The following CHD6 variants were observed in gnomAD, a reference collection of about 807,000 sequenced individuals.
CHD6 encodes the protein ATP-dependent chromatin remodeler CHD6.
Under a neutral mutation model 276.9 loss-of-function variants are expected in CHD6, and 50 were observed. The ratio of observed to expected loss-of-function variants is 0.18; its 90% CI spans 0.14 to 0.23. The LOEUF (loss-of-function observed/expected upper bound fraction) is 0.23. Among genes scored for constraint, CHD6 ranks in the 10% least tolerant of loss-of-function variants. The pLI is 1.00. For synonymous variants in CHD6, 1,173 were observed against 1,229.3 expected (o/e 0.95, Z 0.96); for missense variants, 2,564 against 3,365.8 (o/e 0.76, Z 5.89).
At chr20:41,580,839 A>T (rs931359150) in intron 1 of CHD6, among the ~76,000 whole-genome samples, 1 of 152,160 alleles carries the variant, frequency 6.6e-6, no homozygotes, top group Non-Finnish European at 1.5e-5. Context: ...AGTGAAAGCT[A>T]ATCTGGGAAA....
chr20:41,432,724 C>T (rs1235079926), intron 27 of CHD6, among the ~76,000 whole-genome samples: 1 of 151,942 alleles, frequency 6.6e-6, no homozygotes, highest in African/African-American at 2.4e-5. Flanking sequence ...CCAAGAAGAC[C>T]TCAAACTGAA....
At chr20:41,546,773 CAGTTT>C (rs921121126) in intron 2 of CHD6, among the ~76,000 whole-genome samples, 2 of 152,152 alleles carry the variant, frequency 1.3e-5, no homozygotes, top group Admixed American at 1.3e-4. Context: ...TTCTTAGAAG[CAGTTT>C]AGTTCTTTTT....
In CHD6 at chr20:41,593,046, G is replaced by T. The variant is rs186475820; in HGVS notation, c.-24+25294C>A. 5.3e-4 allele frequency among the ~76,000 whole-genome samples: 80 copies of T among 152,126 alleles called. No individual in the cohort carries two copies. The East Asian group carries it at 0.012, about 24-fold the overall frequency. On this transcript the variant is annotated intron_variant, in intron 1 of 36. Transcript: ENST00000373233. ...AAAAACCTATCCCTCCACCCTCTTT[G>T]TGGCAAAAACAACAGAAAAATCAAA...
chr20:41,585,716 A>T (rs1451431192), intron 1 of CHD6, among the ~76,000 whole-genome samples: 1 of 152,180 alleles, frequency 6.6e-6, no homozygotes, highest in Non-Finnish European at 1.5e-5. Flanking sequence ...GACACTTCCC[A>T]CCTCATTTCA....
At chr20:41,411,638 G>A (rs1365216009) in intron 36 of CHD6, among the ~76,000 whole-genome samples, 1 of 152,138 alleles carries the variant, frequency 6.6e-6, no homozygotes, top group East Asian at 1.9e-4. Context: ...CGTTATACTA[G>A]AAGTATTCTG....
chr20:41,611,890 G>A (rs1167580427), intron 1 of CHD6, among the ~76,000 whole-genome samples: 2 of 152,030 alleles, frequency 1.3e-5, no homozygotes, highest in African/African-American at 2.4e-5. Flanking sequence ...GACCTGCCTC[G>A]GCCTCCCAAA....
intron 1 of CHD6, among the ~76,000 whole-genome samples, chr20:41,598,517 G>T (rs1019143586): frequency 6.6e-6 from 1 of 152,124 alleles, no homozygotes; most frequent in Admixed American, 6.5e-5. Flanking sequence ...TTTCTACTTG[G>T]ATGGTCCTCC....
chr20:41,617,603 C>A (rs774940648), intron 1 of CHD6, among the ~76,000 whole-genome samples: 1 of 152,196 alleles, frequency 6.6e-6, no homozygotes. Context: ...AAATAAATAC[C>A]TTGAAGAGGA....
intron 5 of CHD6, among the ~76,000 whole-genome samples, chr20:41,510,857 C>T (rs1444523351): frequency 1.3e-5 from 2 of 152,206 alleles, no homozygotes; most frequent in African/African-American, 2.4e-5. Flanking sequence ...CACCTCATGG[C>T]AGTCTTGCAA....
intron 16 of CHD6, among the ~76,000 whole-genome samples, chr20:41,475,676 C>T (rs560694152): frequency 1.3e-5 from 2 of 152,304 alleles, no homozygotes; most frequent in East Asian, 3.9e-4. Context: ...CCCCTCTACC[C>T]TCCACCACCA....
intron 2 of CHD6, among the ~76,000 whole-genome samples, 181 bp from the exon 3 acceptor site, chr20:41,533,751 C>T (rs2044751364): frequency 6.6e-6 from 1 of 152,176 alleles, no homozygotes. Context: ...ACGGCCTTTA[C>T]ACTTGTGGAG....
chr20:41,493,565 A>G lies in CHD6; in HGVS notation c.1287T>C (p.Leu429=), dbSNP rs769609160. Residue 429 remains leucine (L), a synonymous_variant, in exon 10 of 37, where the codon CTT becomes CTC. Coordinates refer to ENST00000373233, the MANE Select transcript of CHD6 (RefSeq NM_032221.5). ...DPAKVKEFES[L]QVLPEIKHVE... is the part of the protein sequence containing the mutation. ...CATGCTTAATTTCAGGGAGAACTTG[A>G]AGAGATTCAAATTCTTTAACTTTTG... 5 of 1,613,856 alleles carry G rather than the reference A, an allele frequency of 3.1e-6. No homozygotes were observed. The highest frequency in any genetic ancestry group is 4.2e-6 in the Non-Finnish European group (5 of 1,179,898).
chr20:41,429,375 A>G (rs1474813534), intron 27 of CHD6, among the ~76,000 whole-genome samples: 1 of 152,164 alleles, frequency 6.6e-6, no homozygotes, highest in African/African-American at 2.4e-5. Context: ...TGATTTGCCA[A>G]TCAAAAGTGC....
intron 1 of CHD6, among the ~76,000 whole-genome samples, chr20:41,564,943 T>C (rs1234455917): frequency 6.6e-6 from 1 of 152,156 alleles, no homozygotes; most frequent in Non-Finnish European, 1.5e-5. Flanking sequence ...TCAAAGTTTG[T>C]TTGATGTAAA....
At chr20:41,487,240 C>G (rs1223336870) in intron 14 of CHD6, among the ~76,000 whole-genome samples, 1 of 152,148 alleles carries the variant, frequency 6.6e-6, no homozygotes, top group Non-Finnish European at 1.5e-5. Context: ...TTCCTCACTA[C>G]CTGTGTATTG....
intron 2 of CHD6, among the ~76,000 whole-genome samples, chr20:41,534,522 C>A (rs1051002606): frequency 4.0e-5 from 6 of 151,190 alleles, no homozygotes; most frequent in Admixed American, 6.6e-5. Flanking sequence ...TCCAATGCTC[C>A]CAAACATAAC....
intron 1 of CHD6, among the ~76,000 whole-genome samples, chr20:41,608,940 T>G (rs1008902363): frequency 6.6e-6 from 1 of 152,178 alleles, no homozygotes; most frequent in Non-Finnish European, 1.5e-5. Flanking sequence ...CAGATAAAAA[T>G]GGACAGAGTG....
chr20:41,476,280 T>C (rs543072482), intron 16 of CHD6, among the ~76,000 whole-genome samples: 1 of 152,068 alleles, frequency 6.6e-6, no homozygotes, highest in Admixed American at 6.6e-5. Context: ...TAGGAGTTGA[T>C]ATGGTTCAAA....
At chr20:41,483,990 T>C (rs562880473) in intron 15 of CHD6, among the ~76,000 whole-genome samples, 1 of 152,362 alleles carries the variant, frequency 6.6e-6, no homozygotes, top group African/African-American at 2.4e-5. Context: ...TGCAGCACTT[T>C]CACTGATTCA....
Sources: allele counts gnomAD v4.1 joint callset (sites outside exome capture counted in the v4.1 genomes callset), GRCh38; gene constraint gnomAD v4.1.1; transcripts MANE v1.5; gene names NCBI Gene and HGNC (gene_info 2026-07-23, HGNC 2026-07-21).